The following ALKAL1 variants were observed in gnomAD, a reference collection of about 807,000 sequenced individuals.
ALKAL1 encodes AUG-beta.
In ALKAL1, 23 loss-of-function variants were observed where a neutral mutation model predicts 13.5. That is an observed-to-expected ratio of 1.70 (90% CI 1.23 to 2.41). The LOEUF is 2.41. Among genes scored for constraint, ALKAL1 ranks in the 30% most tolerant of loss-of-function variants. The pLI is 0.00. For synonymous variants in ALKAL1, 85 were observed against 77.7 expected (o/e 1.09, Z -0.49); for missense variants, 181 against 178.4 (o/e 1.01, Z -0.08).
intron 1 of ALKAL1, among the ~76,000 whole-genome samples, chr8:52,557,829 CA>C (rs1847500486): frequency 6.6e-6 from 1 of 151,074 alleles, no homozygotes; most frequent in African/African-American, 2.4e-5. Context: ...ACTAAAAACA[CA>C]AAAAAATTAC....
At chr8:52,556,690 G>GCTCTCA (rs1847487021) in intron 1 of ALKAL1, among the ~76,000 whole-genome samples, 2 of 124,566 alleles carry the variant, frequency 1.6e-5, no homozygotes, top group African/African-American at 6.0e-5. Context: ...GATGGATAAA[G>GCTCTCA]CTCTCAACAG....
chr8:52,536,257 T>G (rs534149755), intron 4 of ALKAL1, among the ~76,000 whole-genome samples: 1 of 152,154 alleles, frequency 6.6e-6, no homozygotes, highest in Non-Finnish European at 1.5e-5. Context: ...TGATTTTCAT[T>G]CCCACCTTCA....
At chr8:52,551,959 C>T (rs1847434856) in intron 1 of ALKAL1, among the ~76,000 whole-genome samples, 1 of 152,134 alleles carries the variant, frequency 6.6e-6, no homozygotes, top group African/African-American at 2.4e-5. Context: ...ATTAGTATGG[C>T]ACATTTCTTG....
intron 1 of ALKAL1, among the ~76,000 whole-genome samples, chr8:52,551,632 C>T (rs1476880757): frequency 6.6e-6 from 1 of 151,942 alleles, no homozygotes; most frequent in Non-Finnish European, 1.5e-5. Flanking sequence ...AAACATCACT[C>T]ACTCCAGGTT....
chr8:52,549,580 G>A (rs1037176559), intron 1 of ALKAL1, among the ~76,000 whole-genome samples: 5 of 151,804 alleles, frequency 3.3e-5, no homozygotes, highest in Admixed American at 2.0e-4. Flanking sequence ...AAAAAGGGCC[G>A]ACTCTAGTAT....
intron 1 of ALKAL1, among the ~76,000 whole-genome samples, chr8:52,564,563 C>G (rs1032267823): frequency 6.6e-6 from 1 of 152,288 alleles, no homozygotes; most frequent in Non-Finnish European, 1.5e-5. Context: ...AGGAAAGGTG[C>G]CAGTAACATA....
Position 52,565,076 on chromosome 8 carries a change from G to C in ALKAL1, c.181C>G (p.Arg61Gly), listed in dbSNP as rs1194534418. The change falls in exon 1 of 5, where the codon CGG becomes GGG. Residue 61 changes from arginine to glycine, a missense_variant. Physicochemically the swap from Arg to Gly is moderately radical, Grantham distance 125. Coordinates refer to ENST00000358543, the MANE Select transcript of ALKAL1 (RefSeq NM_207413.4). ...AGAGRTPSGS[R>G]SAEIFPRDSN... ...GATGGGGACATCGTACCTGCGCTCC[G>C]GGAGCCGCTGGGAGTCCGGCCGGCC... 2 of 1,401,082 alleles carry C rather than the reference G, an allele frequency of 1.4e-6. No homozygotes were observed. The highest frequency in any genetic ancestry group is 1.9e-6 in the Non-Finnish European group (2 of 1,075,104). The allele number at this position is 1,401,082 out of a possible 1,614,324, so 86.8% of individuals were successfully genotyped here.
intron 1 of ALKAL1, among the ~76,000 whole-genome samples, chr8:52,556,512 T>C (rs1012942812): frequency 2.0e-5 from 3 of 151,372 alleles, no homozygotes; most frequent in Non-Finnish European, 4.4e-5. Flanking sequence ...CCGGGCGTGG[T>C]GGCGCGCGCC....
intron 1 of ALKAL1, among the ~76,000 whole-genome samples, chr8:52,549,428 C>A (rs1358806787): frequency 6.7e-6 from 1 of 149,676 alleles, no homozygotes; most frequent in Non-Finnish European, 1.5e-5. Context: ...AAAAGCTATA[C>A]TATATTAAAT....
intron 1 of ALKAL1, among the ~76,000 whole-genome samples, chr8:52,554,613 G>A (rs1462059665): frequency 6.6e-6 from 1 of 152,184 alleles, no homozygotes; most frequent in Non-Finnish European, 1.5e-5. Flanking sequence ...AGCAGATAAG[G>A]AGTATACGAA....
At chr8:52,562,812 C>T (rs77249207) in intron 1 of ALKAL1, among the ~76,000 whole-genome samples, 1,831 of 152,248 alleles carry the variant, frequency 0.012, 40 homozygotes, top group African/African-American at 0.042. Flanking sequence ...CTTGGCCTCC[C>T]GGACCTGCGA....
At chr8:52,543,924 C>G (rs1214050892) in intron 1 of ALKAL1, among the ~76,000 whole-genome samples, 3 of 152,104 alleles carry the variant, frequency 2.0e-5, no homozygotes, top group African/African-American at 7.2e-5. Flanking sequence ...AATGATGACA[C>G]TCAGGTGTGT....
At chr8:52,552,961 G>T (rs1026692947) in intron 1 of ALKAL1, among the ~76,000 whole-genome samples, 2 of 152,142 alleles carry the variant, frequency 1.3e-5, no homozygotes, top group African/African-American at 4.8e-5. Context: ...GCCCCTCGAA[G>T]CTGACAGAGC....
intron 1 of ALKAL1, among the ~76,000 whole-genome samples, chr8:52,549,758 A>G (rs1462469377): frequency 1.3e-5 from 2 of 152,204 alleles, no homozygotes; most frequent in East Asian, 3.9e-4. Flanking sequence ...CCTGGCCAAC[A>G]TGGTGAAACC....
At chr8:52,556,917 T>C (rs886269598) in intron 1 of ALKAL1, among the ~76,000 whole-genome samples, 16 of 152,202 alleles carry the variant, frequency 1.1e-4, no homozygotes, top group Non-Finnish European at 2.1e-4. Flanking sequence ...AATTCTTTAA[T>C]GTAGTAATTT....
At chr8:52,545,575 A>C (rs1308911361) in intron 1 of ALKAL1, among the ~76,000 whole-genome samples, 4 of 127,862 alleles carry the variant, frequency 3.1e-5, no homozygotes, top group East Asian at 2.3e-4. Context: ...AACTTGTCTT[A>C]CCTTACTGAA....
intron 2 of ALKAL1, among the ~76,000 whole-genome samples, chr8:52,540,206 A>T (rs1490385826): frequency 1.3e-5 from 2 of 152,218 alleles, no homozygotes; most frequent in Non-Finnish European, 2.9e-5. Context: ...GAAAATAAAA[A>T]GTCTGTAGTG....
chr8:52,561,434 G>A (rs547942246), intron 1 of ALKAL1, among the ~76,000 whole-genome samples: 1 of 152,278 alleles, frequency 6.6e-6, no homozygotes, highest in South Asian at 2.1e-4. Context: ...AGCAGGCAGA[G>A]GTAAGAGAAG....
chr8:52,557,584 G>C (rs1167955755), intron 1 of ALKAL1, among the ~76,000 whole-genome samples: 1 of 152,054 alleles, frequency 6.6e-6, no homozygotes, highest in Admixed American at 6.5e-5. Context: ...TTTAACGGTT[G>C]GCTCACATAA....
Sources: allele counts gnomAD v4.1 joint callset (sites outside exome capture counted in the v4.1 genomes callset), GRCh38; gene constraint gnomAD v4.1.1; transcripts MANE v1.5; gene names NCBI Gene and HGNC (gene_info 2026-07-23, HGNC 2026-07-21).